Variants in FBP2 observed in about 807,000 individuals in gnomAD.
FBP2 encodes the protein fructose-bisphosphatase 2.
FBP2 carries 27 observed loss-of-function variants against 31.6 expected under a neutral mutation model. That is an observed-to-expected ratio of 0.85 (90% CI 0.63 to 1.18). FBP2 has a LOEUF of 1.18. Among genes scored for constraint, FBP2 ranks in the 50% most tolerant of loss-of-function variants. The probability of loss-of-function intolerance (pLI) is 0.00; values close to 1 mark genes in which losing one functional copy is unlikely to be tolerated. For missense variants in FBP2, 421 were observed against 436.1 expected (o/e 0.97, Z 0.31); for synonymous variants, 168 against 179.8 (o/e 0.93, Z 0.53).
At chr9:94,591,694 G>A (rs1177457686) in intron 1 of FBP2, among the ~76,000 whole-genome samples, 1 of 152,226 alleles carries the variant, frequency 6.6e-6, no homozygotes, top group Non-Finnish European at 1.5e-5. Context: ...GGTAGTGACA[G>A]GCACTGTGCG....
chr9:94,587,973 G>C (rs1166861867), intron 1 of FBP2, among the ~76,000 whole-genome samples: 1 of 151,768 alleles, frequency 6.6e-6, no homozygotes, highest in East Asian at 1.9e-4. Context: ...CTCAGCCTCC[G>C]GAGTAGCTGG....
chr9:94,591,969 C>T (rs1475656808), intron 1 of FBP2, among the ~76,000 whole-genome samples: 2 of 152,192 alleles, frequency 1.3e-5, no homozygotes, highest in East Asian at 3.9e-4. Context: ...AGACCCCTAC[C>T]ATGGCAGCCA....
rs368996750 is a variant in FBP2 at position 94,589,783 on chromosome 9, A to G, written c.171-2314T>C. ...CACATCATTTGGTGTCTGAGGAACC[A>G]TGACGTGAGCAGTCAGCTGTCTTGG... On this transcript the variant is annotated intron_variant, in intron 1 of 6. Coordinates refer to ENST00000375337, the MANE Select transcript of FBP2 (RefSeq NM_003837.4). Among the ~76,000 whole-genome samples the G allele has an allele frequency of 1.3e-4, 18 of 140,732 alleles. No individual in the cohort carries two copies. In the South Asian group the frequency reaches 1.6e-3, roughly 13 times the overall value. 92.3% of individuals were successfully genotyped at this position (140,732 alleles called of 152,430 possible). A position where few individuals can be genotyped will look rare whatever the true frequency, so the allele number is the denominator to read the frequency against.
intron 3 of FBP2, among the ~76,000 whole-genome samples, chr9:94,572,258 AC>A (rs1433953950): frequency 1.3e-5 from 2 of 151,144 alleles, no homozygotes; most frequent in Admixed American, 1.3e-4. Flanking sequence ...ATTCTTCCTC[AC>A]CCCCTTATCC....
intron 4 of FBP2, chr9:94,570,770 A>G (rs1482891839): frequency 6.6e-6 from 1 of 152,190 alleles, no homozygotes; most frequent in Non-Finnish European, 1.5e-5. Context: ...AGTTAACTCC[A>G]TGTCATTTTG....
intron 3 of FBP2, 152 bp downstream of exon 3, chr9:94,584,425 C>T (rs1827404089): frequency 3.2e-6 from 2 of 623,710 alleles, no homozygotes; most frequent in Non-Finnish European, 2.9e-6. Flanking sequence ...ATGAGGAGCC[C>T]CAGGCAGAGA....
chr9:94,587,502 C>T, intron 1 of FBP2, 33 bp from the exon 2 acceptor site: 1 of 1,609,872 alleles, frequency 6.2e-7, no homozygotes, highest in Non-Finnish European at 8.5e-7. Flanking sequence ...GAGGAAGTCA[C>T]TAGGGGGTCT....
chr9:94,570,437 T>C (rs1827255735), intron 4 of FBP2: 1 of 152,202 alleles, frequency 6.6e-6, no homozygotes, highest in African/African-American at 2.4e-5. Context: ...GTAGGACATA[T>C]CTCATAGGGC....
intron 1 of FBP2, among the ~76,000 whole-genome samples, chr9:94,590,868 G>C (rs919703310): frequency 6.6e-6 from 1 of 152,200 alleles, no homozygotes; most frequent in Non-Finnish European, 1.5e-5. Flanking sequence ...TACATACAAA[G>C]GTTCTCCACG....
intron 6 of FBP2, among the ~76,000 whole-genome samples, chr9:94,561,771 C>T (rs1354125300): frequency 1.3e-5 from 2 of 152,036 alleles, no homozygotes; most frequent in Admixed American, 1.3e-4. Flanking sequence ...CACAGAGAGA[C>T]GTCGGCACAG....
intron 4 of FBP2, chr9:94,567,659 T>C: frequency 4.6e-6 from 2 of 435,718 alleles, no homozygotes; most frequent in South Asian, 4.8e-5. Context: ...CAGCCCATAG[T>C]CTTCTTTCTT....
At chr9:94,570,124 T>A (rs549568113) in intron 4 of FBP2, 1 of 152,348 alleles carries the variant, frequency 6.6e-6, no homozygotes, top group African/African-American at 2.4e-5. Context: ...TGCCCACCTA[T>A]GTCCAGACTG....
In FBP2 at chr9:94,587,574, G is replaced by C; in HGVS notation, c.171-105C>G. 5 of 946,202 alleles carry C rather than the reference G, an allele frequency of 5.3e-6. No homozygotes were observed. In the South Asian group the frequency reaches 5.6e-5, roughly 11 times the overall value. 58.6% of individuals were successfully genotyped at this position (946,202 alleles called of 1,614,324 possible). A position where few individuals can be genotyped will look rare whatever the true frequency, so the allele number is the denominator to read the frequency against. ...GCAGTGCAGTCCCCTCTCGTTCTGT[G>C]TCTCTGGAGTCTCCAAGTCACACGT... On this transcript the variant is annotated intron_variant, in intron 1 of 6. Transcript: ENST00000375337.
intron 4 of FBP2, chr9:94,568,470 C>CT (rs1827225819): frequency 6.6e-6 from 1 of 152,128 alleles, no homozygotes; most frequent in Non-Finnish European, 1.5e-5. Flanking sequence ...TCATGTCTGT[C>CT]TCAGTCACTA....
At position 94,567,161 on chromosome 9, in the gene FBP2, A is replaced by G. The variant is rs1827201654; in HGVS notation, c.705+109T>C. ...CATCATCTTCATACTGACCACAGCC[A>G]TAAACAGTGGCACCAACCTCTTTCA... On this transcript the variant is annotated intron_variant, in intron 5 of 6. Transcript: ENST00000375337. 9 of 1,121,472 alleles carry G rather than the reference A, an allele frequency of 8.0e-6. No homozygotes were observed. In the South Asian group the frequency reaches 1.1e-4, roughly 14 times the overall value. 69.5% of individuals were successfully genotyped at this position (1,121,472 alleles called of 1,614,324 possible). A position where few individuals can be genotyped will look rare whatever the true frequency, so the allele number is the denominator to read the frequency against.
intron 4 of FBP2, chr9:94,568,191 A>G (rs1043915924): frequency 2.0e-5 from 3 of 152,086 alleles, no homozygotes; most frequent in African/African-American, 7.2e-5. Flanking sequence ...CATAGAAACT[A>G]TTCAGTTTCT....
intron 1 of FBP2, among the ~76,000 whole-genome samples, chr9:94,590,656 G>C (rs1337588415): frequency 1.3e-5 from 2 of 152,198 alleles, no homozygotes; most frequent in Non-Finnish European, 2.9e-5. Context: ...CATAAAAGCA[G>C]CGTGGACCCA....
Position 94,558,749 on chromosome 9 carries a change from C to T in FBP2, c.*189G>A, listed in dbSNP as rs917503928. On this transcript the variant is annotated 3_prime_UTR_variant, in exon 7 of 7. Transcript: ENST00000375337. ...CACATGTGGGTTTTTATTTCTAGTC[C>T]TTCACATTGACCATAGAATCGCCTG... 28 of 585,346 alleles carry T rather than the reference C, an allele frequency of 4.8e-5. No individual in the cohort carries two copies. In the Admixed American group the frequency reaches 6.2e-4, roughly 13 times the overall value. 36.3% of individuals were successfully genotyped at this position (585,346 alleles called of 1,614,324 possible).
intron 4 of FBP2, chr9:94,570,595 G>C (rs1827258345): frequency 6.6e-6 from 1 of 152,182 alleles, no homozygotes; most frequent in Non-Finnish European, 1.5e-5. Flanking sequence ...GGTAATATTT[G>C]CAAGCCATAG....
Sources: gnomAD v4.1 joint callset for allele counts (sites outside exome capture counted in the v4.1 genomes callset) on GRCh38, gnomAD v4.1.1 for gene constraint, MANE v1.5 for transcripts, NCBI Gene and HGNC (gene_info 2026-07-23, HGNC 2026-07-21) for gene names.